The following VIPR1 variants were observed in gnomAD, a reference collection of about 807,000 sequenced individuals.
The protein encoded by VIPR1 is vasoactive intestinal polypeptide receptor 1.
A neutral mutation model predicts 58.8 loss-of-function variants in VIPR1; 59 were observed. The observed-to-expected ratio is 1.00, with a 90% CI of 0.81 to 1.25. VIPR1 has a LOEUF of 1.25. Among genes scored for constraint, VIPR1 ranks in the 50% most tolerant of loss-of-function variants. The pLI, the probability that VIPR1 is intolerant of heterozygous loss-of-function variation, is 0.00. For synonymous variants in VIPR1, 251 were observed against 242.1 expected, an observed-to-expected ratio of 1.04 and a Z score of -0.34; for missense variants, 626 against 602.7, an observed-to-expected ratio of 1.04 and a Z score of -0.40.
chr3:42,532,384 C>T, intron 10 of VIPR1, 51 bp downstream of exon 10: 1 of 1,545,954 alleles, frequency 6.5e-7, no homozygotes, highest in Non-Finnish European at 8.9e-7. Context: ...CCCCAGTCCT[C>T]AAATCATCCC....
At chr3:42,502,044 C>G (rs1699887597), upstream of VIPR1, 1 of 152,264 alleles carries the variant, frequency 6.6e-6, no homozygotes, top group Non-Finnish European at 1.5e-5. Context: ...CTTTCGAGCC[C>G]TCGCTTCCTC....
At chr3:42,531,769 C>T in intron 8 of VIPR1, 34 bp from the exon 9 acceptor site, 1 of 1,613,504 alleles carries the variant, frequency 6.2e-7, no homozygotes, top group Non-Finnish European at 8.5e-7. Context: ...TGGCTGAGGA[C>T]AATCCCTCTC....
chr3:42,519,185 CTG>C, intron 2 of VIPR1, 36 bp from the exon 3 acceptor site: 1 of 1,540,662 alleles, frequency 6.5e-7, no homozygotes, highest in Non-Finnish European at 8.8e-7. Context: ...GGCACCTGCA[CTG>C]TGCTCACCCA....
Position 42,502,825 on chromosome 3 carries a change from C to CAA in VIPR1, c.78+12_78+13insAA. On this transcript the variant is annotated intron_variant, in intron 1 of 12. Coordinates refer to ENST00000325123, the MANE Select transcript of VIPR1 (RefSeq NM_004624.4). The stretch of plus-strand genomic sequence containing the variant: ...CCCTTGGGCCGGCGGTGAGTGTTCG[C>CAA]CCGGCCGCCCAGAGTCCCGGCAGCC... The CAA allele has an allele frequency of 8.0e-7, 1 of 1,254,512 alleles. No individual in the cohort carries two copies. Among genetic ancestry groups the CAA allele is most frequent in the Non-Finnish European group, 1.0e-6 (1 of 999,670 alleles). The allele number at this position is 1,254,512 out of a possible 1,614,324, so 77.7% of individuals were successfully genotyped here.
intron 1 of VIPR1, chr3:42,509,054 C>T (rs903292000): frequency 2.6e-5 from 4 of 152,216 alleles, no homozygotes; most frequent in African/African-American, 9.7e-5. Context: ...CTCCCCATTC[C>T]CCTGCCTCCA....
intron 1 of VIPR1, 195 bp from the exon 2 acceptor site, chr3:42,513,554 C>T (rs890734817): frequency 1.4e-5 from 8 of 561,198 alleles, no homozygotes; most frequent in South Asian, 7.5e-5. Flanking sequence ...GCAGGGTCCT[C>T]GGGGCCGACC....
At chr3:42,522,096 TATA>T (rs1700959265) in intron 3 of VIPR1, among the ~76,000 whole-genome samples, 1 of 48,166 alleles carries the variant, frequency 2.1e-5, no homozygotes, top group Non-Finnish European at 3.4e-5. Flanking sequence ...TATATATATA[TATA>T]TATTTTTTTT....
chr3:42,503,963 G>A (rs1041651830), intron 1 of VIPR1, among the ~76,000 whole-genome samples: 6 of 152,106 alleles, frequency 3.9e-5, no homozygotes, highest in African/African-American at 7.2e-5. Flanking sequence ...TCCATCTAGC[G>A]GATGTCTTGA....
At chr3:42,531,592 G>A in intron 8 of VIPR1, 61 bp downstream of exon 8, 2 of 1,580,468 alleles carry the variant, frequency 1.3e-6, no homozygotes, top group African/African-American at 1.3e-5. Context: ...CCCTGGGTGG[G>A]ATGATAATGC....
chr3:42,531,803 G>T lies in VIPR1; in HGVS notation c.852G>T (p.Gly284=), dbSNP rs1038668440. ...TCATTCCTCCCCACGGTCTGCTCAG[G>T]TGCTGGGACACCATCAACTCCTCAC... ...TIARIHFEDY[G]CWDTINSSLW... Residue 284 remains glycine (G), a splice_region_variant and synonymous_variant, in exon 9 of 13, where the codon GGG becomes GGT. Coordinates refer to ENST00000325123, the MANE Select transcript of VIPR1 (RefSeq NM_004624.4). 2 of 1,614,078 alleles carry T rather than the reference G, an allele frequency of 1.2e-6. No individual in the cohort carries two copies. The highest frequency in any genetic ancestry group is 1.7e-6 in the Non-Finnish European group (2 of 1,180,016).
rs1021956529 is a variant in VIPR1, at chr3:42,535,361, C to G, written c.1159C>G (p.Leu387Val). The change falls in exon 12 of 13, where the codon CTC becomes GTC. Residue 387 changes from leucine to valine, a missense_variant. Leu to Val is a conservative substitution (Grantham distance 32). Transcript: ENST00000325123. ...TTCTCAGGGTTTTGTGGTGGCTATC[C>G]TCTACTGCTTCCTCAATGGTGAGGT... ...GSFQGFVVAI[L>V]YCFLNGEVQA... 5 of 1,614,114 alleles carry G rather than the reference C, an allele frequency of 3.1e-6. No individual in the cohort carries two copies. Among genetic ancestry groups the G allele is most frequent in the Non-Finnish European group, 4.2e-6 (5 of 1,179,996 alleles).
At chr3:42,494,111 C>T (rs1398836627) in intron 1 of VIPR1, among the ~76,000 whole-genome samples, 1 of 152,218 alleles carries the variant, frequency 6.6e-6, no homozygotes, top group African/African-American at 2.4e-5. Flanking sequence ...GTTTGTCTCC[C>T]TTGTCTTAGC....
chr3:42,491,344 G>A (rs115812435), intron 1 of VIPR1, among the ~76,000 whole-genome samples: 251 of 152,326 alleles, frequency 1.6e-3, no homozygotes, highest in African/African-American at 5.5e-3. Flanking sequence ...TGTGAAAATT[G>A]TGTTGTGTAT....
intron 1 of VIPR1, among the ~76,000 whole-genome samples, chr3:42,489,995 A>G (rs1699638279): frequency 6.6e-6 from 1 of 151,908 alleles, no homozygotes. Context: ...AGTTCCCGCG[A>G]AGCCCTTCCT....
chr3:42,499,921 C>T (rs1438652077), upstream of VIPR1: 2 of 152,196 alleles, frequency 1.3e-5, no homozygotes, highest in East Asian at 1.9e-4. Context: ...ACAGGACATT[C>T]GGGAGCAATT....
chr3:42,532,272 C>A lies in VIPR1; in HGVS notation c.949C>A (p.Arg317=). 1 of 1,614,140 alleles carries A rather than the reference C, an allele frequency of 6.2e-7. No homozygotes were observed. Among genetic ancestry groups the A allele is most frequent in the South Asian group, 1.1e-5 (1 of 91,074 alleles). Residue 317 remains arginine (R), a synonymous_variant, in exon 10 of 13, where the codon CGA becomes AGA. Coordinates refer to ENST00000325123, the MANE Select transcript of VIPR1 (RefSeq NM_004624.4). ...CTTCATCCTGTTTATTTGCATCATC[C>A]GAATCCTGCTTCAGAAACTGCGGCC... ...VNFILFICII[R]ILLQKLRPPD...
rs982869365 is a variant in VIPR1 at position 42,537,435 on chromosome 3, A to C, written c.*1154A>C. The C allele has an allele frequency of 6.6e-6, 1 of 152,148 alleles. No individual in the cohort carries two copies. The highest frequency in any genetic ancestry group is 1.5e-5 in the Non-Finnish European group (1 of 68,054). 9.4% of individuals were successfully genotyped at this position (152,148 alleles called of 1,614,324 possible). A position where few individuals can be genotyped will look rare whatever the true frequency, so the allele number is the denominator to read the frequency against. ...GGCCTCCATCTCATGTATCATCTGG[A>C]TAGGAGCCTGCTGGTCACAGCCTCC... On this transcript the variant is annotated 3_prime_UTR_variant, in exon 13 of 13. Coordinates refer to ENST00000325123, the MANE Select transcript of VIPR1 (RefSeq NM_004624.4).
chr3:42,510,119 C>A (rs151016798), intron 1 of VIPR1, among the ~76,000 whole-genome samples: 2 of 152,334 alleles, frequency 1.3e-5, no homozygotes, highest in African/African-American at 4.8e-5. Flanking sequence ...TCCTGATGCC[C>A]CCAGAACTCC....
intron 11 of VIPR1, 67 bp from the exon 12 acceptor site, chr3:42,535,275 CA>C: frequency 3.1e-6 from 5 of 1,599,420 alleles, no homozygotes; most frequent in Non-Finnish European, 4.3e-6. Flanking sequence ...GGGCTGGAGC[CA>C]GGGGTGGGGC....
Sources: allele counts gnomAD v4.1 joint callset (sites outside exome capture counted in the v4.1 genomes callset), GRCh38; gene constraint gnomAD v4.1.1; transcripts MANE v1.5; gene names NCBI Gene and HGNC (gene_info 2026-07-23, HGNC 2026-07-21).